Variants in LRRC37A2 observed in about 807,000 individuals in gnomAD.
LRRC37A2 encodes leucine rich repeat containing 37 member A2.
Under a neutral mutation model 68.8 loss-of-function variants are expected in LRRC37A2, and 9 were observed. The observed-to-expected ratio is 0.13, with a 90% CI of 0.08 to 0.23. LRRC37A2 has a LOEUF of 0.23. Ranked by LOEUF, LRRC37A2 falls within the 10% of genes least tolerant of loss-of-function variation. The pLI is 1.00. For missense variants in LRRC37A2, 168 were observed against 950.4 expected (o/e 0.18, Z 10.82); for synonymous variants, 63 against 367.6 (o/e 0.17, Z 9.48).
chr17:46,496,369 C>T, the LRRC37A2 span, among the ~76,000 whole-genome samples: 2 of 148,344 alleles, frequency 1.3e-5, no homozygotes, highest in Non-Finnish European at 2.9e-5. Context: ...TTTGGGAGGC[C>T]GAGGCGGGTG....
chr17:46,467,674 A>G, the LRRC37A2 span, among the ~76,000 whole-genome samples: 1 of 102,382 alleles, frequency 9.8e-6, no homozygotes, highest in East Asian at 2.4e-4. Flanking sequence ...ACATCCAGAA[A>G]TGGCTTGATG....
At chr17:46,927,422 G>A in the LRRC37A2 span, among the ~76,000 whole-genome samples, 80,536 of 151,860 alleles carry the variant, frequency 0.53, 22,053 homozygotes, top group South Asian at 0.63. Flanking sequence ...GTTTTGTGGG[G>A]GTGGGTAGTT....
chr17:46,661,354 AT>A, the LRRC37A2 span, among the ~76,000 whole-genome samples: 2 of 148,788 alleles, frequency 1.3e-5, no homozygotes, highest in Non-Finnish European at 3.0e-5. Context: ...CCTGTTTTTT[AT>A]TTGAATCTCT....
the LRRC37A2 span, chr17:47,019,543 A>C: frequency 1.3e-6 from 2 of 1,500,874 alleles, no homozygotes; most frequent in Non-Finnish European, 1.9e-6. Context: ...CAGACTCTGC[A>C]TCGAAAACTG....
chr17:47,023,335 T>C, the LRRC37A2 span, among the ~76,000 whole-genome samples: 1 of 152,186 alleles, frequency 6.6e-6, no homozygotes, highest in African/African-American at 2.4e-5. Context: ...TCACAACAGT[T>C]TGTGTGTCAC....
chr17:46,543,884 A>G (rs1474586971), intron 8 of LRRC37A2, among the ~76,000 whole-genome samples: 1 of 149,346 alleles, frequency 6.7e-6, no homozygotes, highest in Non-Finnish European at 1.5e-5. Flanking sequence ...TGGGAGGCCA[A>G]AGAGAGAGGG....
chr17:46,860,358 G>A, the LRRC37A2 span, among the ~76,000 whole-genome samples: 1 of 152,202 alleles, frequency 6.6e-6, no homozygotes, highest in Non-Finnish European at 1.5e-5. Context: ...AGGTGGGCCA[G>A]GTGCTGTGAG....
chr17:46,824,528 C>T, the LRRC37A2 span, among the ~76,000 whole-genome samples: 7 of 152,242 alleles, frequency 4.6e-5, no homozygotes, highest in Admixed American at 2.6e-4. Flanking sequence ...GGATTACAGG[C>T]GTAAGCCCCC....
the LRRC37A2 span, among the ~76,000 whole-genome samples, chr17:46,803,975 C>T: frequency 1.4e-3 from 207 of 152,288 alleles, no homozygotes; most frequent in Non-Finnish European, 2.1e-3. Flanking sequence ...CGTGTTTTCC[C>T]TTATGTCCTG....
At chr17:46,965,287 A>G in the LRRC37A2 span, among the ~76,000 whole-genome samples, 4 of 152,066 alleles carry the variant, frequency 2.6e-5, no homozygotes, top group African/African-American at 7.2e-5. Flanking sequence ...GGTACAAATG[A>G]TTTCTCCTTT....
the LRRC37A2 span, among the ~76,000 whole-genome samples, chr17:46,851,005 C>T: frequency 6.6e-6 from 1 of 152,216 alleles, no homozygotes; most frequent in African/African-American, 2.4e-5. This position sits in a 1 kb window ranked among gnomAD's most constrained non-coding sequence, Gnocchi z 4.3. Context: ...CCCCTCTGCC[C>T]AAGACTCTTT....
intron 6 of LRRC37A2, among the ~76,000 whole-genome samples, chr17:46,534,201 T>C (rs1342049727): frequency 6.7e-6 from 1 of 149,236 alleles, no homozygotes; most frequent in African/African-American, 2.6e-5. Flanking sequence ...GTTTTTGTTT[T>C]TTTTAATTTT....
At chr17:47,027,113 G>A in the LRRC37A2 span, among the ~76,000 whole-genome samples, 13,396 of 152,100 alleles carry the variant, frequency 0.088, 816 homozygotes, top group Non-Finnish European at 0.13. Context: ...GGGTTTCACC[G>A]TGTTAGCCAG....
chr17:46,609,852 G>A, the LRRC37A2 span, among the ~76,000 whole-genome samples: 37 of 139,326 alleles, frequency 2.7e-4, 4 homozygotes, highest in Non-Finnish European at 5.0e-4. Flanking sequence ...TTGAGATAGG[G>A]TATCACTTTG....
chr17:46,864,722 G>T, the LRRC37A2 span, among the ~76,000 whole-genome samples: 32 of 152,220 alleles, frequency 2.1e-4, no homozygotes, highest in East Asian at 1.5e-3. Context: ...AAACTGCCAG[G>T]CTTGGTGGAA....
At chr17:46,728,425 A>G in the LRRC37A2 span, among the ~76,000 whole-genome samples, 1 of 152,146 alleles carries the variant, frequency 6.6e-6, no homozygotes, top group African/African-American at 2.4e-5. Context: ...CAGAAAAAAC[A>G]TCTACATGAA....
the LRRC37A2 span, among the ~76,000 whole-genome samples, chr17:46,814,660 C>CAGCT: frequency 6.6e-6 from 1 of 152,236 alleles, no homozygotes; most frequent in Non-Finnish European, 1.5e-5. Context: ...AGCCCAGCCC[C>CAGCT]AGCGAGCTGT....
the LRRC37A2 span, among the ~76,000 whole-genome samples, chr17:46,986,640 G>C: frequency 1.3e-5 from 2 of 152,220 alleles, no homozygotes; most frequent in Non-Finnish European, 2.9e-5. Flanking sequence ...GCTTGGGTGG[G>C]TTGGTGGTTC....
At chr17:46,622,346 T>C in the LRRC37A2 span, among the ~76,000 whole-genome samples, 1 of 149,668 alleles carries the variant, frequency 6.7e-6, no homozygotes, top group Non-Finnish European at 1.5e-5. Flanking sequence ...TAGTCCCAGC[T>C]ACTTGGGAGG....
Sources: gnomAD v4.1 joint callset for allele counts (sites outside exome capture counted in the v4.1 genomes callset) on GRCh38, gnomAD v4.1.1 for gene constraint, Gnocchi (gnomAD v3.1) non-coding constraint, MANE v1.5 for transcripts, NCBI Gene and HGNC (gene_info 2026-07-23, HGNC 2026-07-21) for gene names.